NOC2L: variants seen among roughly 807,000 people sequenced by gnomAD.
The protein encoded by NOC2L is nucleolar complex protein 2 homolog.
Under a neutral mutation model 94.2 loss-of-function variants are expected in NOC2L, and 101 were observed. That is an observed-to-expected ratio of 1.07 (90% CI 0.91 to 1.26). The LOEUF (loss-of-function observed/expected upper bound fraction) is 1.26, where lower values mean the gene tolerates loss of function less well. Ranked by LOEUF, NOC2L falls within the 50% of genes most tolerant of loss-of-function variation. The pLI, the probability that NOC2L is intolerant of heterozygous loss-of-function variation, is 0.00. For synonymous variants in NOC2L, 531 were observed against 413.4 expected, an observed-to-expected ratio of 1.28 and a Z score of -3.45; for missense variants, 1,076 against 980.1, an observed-to-expected ratio of 1.10 and a Z score of -1.31.
rs151188781 is a variant in NOC2L at position 952,095 on chromosome 1, G to A, written c.1236C>T (p.Leu412=). ...SVYNWQYVHC[L]FLWCRVLSTA... ...TGCTCAGGACCCGGCACCACAGGAAGAGGCAGTGCACATACTGCCAGTTGT... is the reference window on the plus strand; with the variant it reads ...TGCTCAGGACCCGGCACCACAGGAAAAGGCAGTGCACATACTGCCAGTTGT... Residue 412 remains leucine, a synonymous_variant, in exon 11 of 19, where the codon CTC becomes CTT. Coordinates refer to ENST00000327044, the MANE Select transcript of NOC2L (RefSeq NM_015658.4). The A allele has an allele frequency of 5.0e-6, 8 of 1,613,586 alleles. No individual in the cohort carries two copies. Among genetic ancestry groups the A allele is most frequent in the Non-Finnish European group, 6.8e-6 (8 of 1,180,000 alleles).
Position 945,083 on chromosome 1 carries a change from C to CCCT in NOC2L, c.2114_2116dup (p.Glu705dup). The CCCT allele has an allele frequency of 1.9e-6, 3 of 1,614,028 alleles. No homozygotes were observed. Among genetic ancestry groups the CCCT allele is most frequent in the Non-Finnish European group, 2.5e-6 (3 of 1,179,932 alleles). ...CTCCGAGTTGCTGCTGTCCTCCTCG[C>CCCT]CCTCCTCCTCGTCCTCTTCATCGTC... is the stretch of plus-strand genomic sequence containing the variant. On this transcript the variant is annotated inframe_insertion, in exon 18 of 19. Coordinates refer to ENST00000327044, the MANE Select transcript of NOC2L (RefSeq NM_015658.4).
rs774830091 is a variant in NOC2L at position 945,539 on chromosome 1, TGTC to T, written c.2029_2031del (p.Asp677del). On this transcript the variant is annotated inframe_deletion, in exon 17 of 19. Coordinates refer to ENST00000327044, the MANE Select transcript of NOC2L (RefSeq NM_015658.4). ...CCACCTCTCTCCGAGAATCCCTCGGTGTCGTCCTCTTCAGAGCTGTTCAGGTCA... is the reference window on the plus strand; with the variant it reads ...CCACCTCTCTCCGAGAATCCCTCGGTGTCCTCTTCAGAGCTGTTCAGGTCA... 23 of 1,613,774 alleles carry T rather than the reference TGTC, an allele frequency of 1.4e-5. No individual in the cohort carries two copies. Among genetic ancestry groups the T allele is most frequent in the African/African-American group, 4.0e-5 (3 of 74,912 alleles).
intron 11 of NOC2L, 136 bp downstream of exon 11, chr1:951,864 C>A: frequency 1.0e-6 from 1 of 995,780 alleles, no homozygotes; most frequent in Non-Finnish European, 1.5e-6. Flanking sequence ...TACAGGGACC[C>A]CAGCCCTTCC....
chr1:956,943 G>T lies in NOC2L; in HGVS notation c.437C>A (p.Ser146Tyr), dbSNP rs1199336114. 6.2e-7 allele frequency: 1 copy of T among 1,613,988 alleles called. No homozygotes were observed. The highest frequency in any genetic ancestry group is 8.5e-7 in the Non-Finnish European group (1 of 1,180,040). The stretch of plus-strand genomic sequence containing the variant: ...AACCATGGCGACGGTCACAGGAACA[G>T]AATTCTTCTTCCCCTTCAGCCCTCT... ...VPRGLKGKKN[S>Y]VPVTVAMVER... The change falls in exon 4 of 19, where the codon TCT becomes TAT. Residue 146 changes from serine to tyrosine, a missense_variant. By Grantham distance (144) the Ser-to-Tyr change is moderately radical. This residue lies in a region of NOC2L where 457 missense variants were observed against 386.0 expected (regional missense o/e 1.18). Transcript: ENST00000327044.
chr1:952,548 A>C lies in NOC2L; in HGVS notation c.1055T>G (p.Leu352Arg). ...CCACTGCATGAAACTGATGAAGGGG[A>C]GGGCACCAGGCGAGGTGAACTTGCA... ...RNCKFTSPGALPFISFMQWTL... is the reference protein window; with the variant it reads ...RNCKFTSPGARPFISFMQWTL... The change falls in exon 10 of 19, where the codon CTC becomes CGC. Residue 352 changes from leucine to arginine, a missense_variant. By Grantham distance (102) the Leu-to-Arg change is moderately radical (BLOSUM62 -2). This residue lies in a region of NOC2L where 615 missense variants were observed against 577.4 expected (regional missense o/e 1.07). Coordinates refer to ENST00000327044, the MANE Select transcript of NOC2L (RefSeq NM_015658.4). 1 of 1,613,878 alleles carries C rather than the reference A, an allele frequency of 6.2e-7. No individual in the cohort carries two copies. The highest frequency in any genetic ancestry group is 8.5e-7 in the Non-Finnish European group (1 of 1,180,014).
Position 952,053 on chromosome 1 carries a change from T to C in NOC2L, c.1278A>G (p.Glu426=). The change falls in exon 11 of 19, where the codon GAA becomes GAG. Residue 426 remains glutamate, a synonymous_variant. Coordinates refer to ENST00000327044, the MANE Select transcript of NOC2L (RefSeq NM_015658.4). ...CRVLSTAGPS[E]ALQPLVYPLA... is the part of the protein sequence containing the mutation. ...GGGGGTAGACCAAGGGCTGGAGGGC[T>C]TCGCTGGGGCCCGCAGTGCTCAGGA... 1 of 1,613,580 alleles carries C rather than the reference T, an allele frequency of 6.2e-7. No homozygotes were observed.
rs1278408608 is a variant in NOC2L at position 944,379 on chromosome 1, T to C, written c.*315A>G. On this transcript the variant is annotated 3_prime_UTR_variant, in exon 19 of 19. Transcript: ENST00000327044. Reference sequence around the variant, plus strand: ...GTCTGCAGACGGAGGGCAGAGGTGGTGGAAGGGGCCAGGGGCCTGCAGGCC... The same window carrying C: ...GTCTGCAGACGGAGGGCAGAGGTGGCGGAAGGGGCCAGGGGCCTGCAGGCC... 2 of 1,335,778 alleles carry C rather than the reference T, an allele frequency of 1.5e-6. No homozygotes were observed. Among genetic ancestry groups the C allele is most frequent in the Non-Finnish European group, 1.9e-6 (2 of 1,042,522 alleles). 82.7% of individuals were successfully genotyped at this position (1,335,778 alleles called of 1,614,324 possible). A position where few individuals can be genotyped will look rare whatever the true frequency, so the allele number is the denominator to read the frequency against.
chr1:949,461 C>A (rs1466865639), intron 12 of NOC2L, among the ~76,000 whole-genome samples: 1 of 152,194 alleles, frequency 6.6e-6, no homozygotes, highest in African/African-American at 2.4e-5. Flanking sequence ...GACTGGCTTC[C>A]TGTCCAGGCA....
At position 951,213 on chromosome 1, in the gene NOC2L, G is replaced by A; in HGVS notation, c.1357C>T (p.Pro453Ser). The A allele has an allele frequency of 1.3e-6, 2 of 1,590,910 alleles. No individual in the cohort carries two copies. The highest frequency in any genetic ancestry group is 1.7e-6 in the Non-Finnish European group (2 of 1,168,874). The change falls in exon 12 of 19, where the codon CCG (proline) becomes TCG (serine). Residue 453 changes from proline (P) to serine (S), a missense_variant. Physicochemically the swap from Pro to Ser is moderately conservative, Grantham distance 74. Transcript: ENST00000327044. Reference protein sequence around the residue: ...IKLIPTARFYPLRMHCIRALT... With the variant: ...IKLIPTARFYSLRMHCIRALT... The stretch of plus-strand genomic sequence containing the variant: ...GCACGGATGCAGTGCATTCGCAGCG[G>A]GTAGAAGCGGGCAGTGGGGATGAGC...
chr1:948,061 G>A (rs1323049605), intron 14 of NOC2L, 70 bp downstream of exon 14: 15 of 1,287,408 alleles, frequency 1.2e-5, no homozygotes, highest in African/African-American at 1.5e-5. Context: ...CCTCCTACCA[G>A]CCTGGGGCAG....
Position 946,245 on chromosome 1 carries a change from CA to C in NOC2L, c.1844del (p.Leu615ArgfsTer29), listed in dbSNP as rs1557615430. ...TGCGCCAGTGGCTGTAGTACAAGGT[CA>C]GGGGTGTCCCCTCTTCCCGGGTCAG... ...EKLTREEGTP[L>X]TLYYSHWRKL... On this transcript the variant is annotated frameshift_variant, in exon 16 of 19. Transcript: ENST00000327044. LOFTEE classifies it high-confidence loss of function. 6.2e-7 allele frequency: 1 copy of C among 1,613,862 alleles called. No homozygotes were observed. Among genetic ancestry groups the C allele is most frequent in the African/African-American group, 1.3e-5 (1 of 75,064 alleles).
chr1:947,414 C>A (rs1248737243), intron 14 of NOC2L, among the ~76,000 whole-genome samples: 1 of 152,218 alleles, frequency 6.6e-6, no homozygotes, highest in African/African-American at 2.4e-5. Flanking sequence ...CTGGATAAGC[C>A]TCTGACCAAT....
chr1:945,772 C>G, intron 16 of NOC2L, 119 bp from the exon 17 acceptor site: 1 of 1,260,644 alleles, frequency 7.9e-7, no homozygotes, highest in East Asian at 2.3e-5. Flanking sequence ...CTAGTCCCCT[C>G]TGTTCCCAAA....
chr1:956,343 C>T (rs1642401181), intron 4 of NOC2L, 128 bp from the exon 5 acceptor site: 1 of 1,021,100 alleles, frequency 9.8e-7, no homozygotes, highest in Admixed American at 2.3e-5. Flanking sequence ...TGGGGGGAGG[C>T]ACAGAGCCCC....
Position 952,556 on chromosome 1 carries a change from A to T in NOC2L, c.1047T>A (p.Pro349=). ...TGAAACTGATGAAGGGGAGGGCACC[A>T]GGCGAGGTGAACTTGCAGTTCCTCA... The part of the protein sequence containing the change: ...TYVRNCKFTS[P]GALPFISFMQ... Residue 349 remains proline (P), a synonymous_variant, in exon 10 of 19, where the codon CCT becomes CCA. Transcript: ENST00000327044. 1 of 1,613,906 alleles carries T rather than the reference A, an allele frequency of 6.2e-7. No homozygotes were observed. The highest frequency in any genetic ancestry group is 8.5e-7 in the Non-Finnish European group (1 of 1,180,020).
chr1:948,899 C>A (rs910078475), intron 12 of NOC2L, among the ~76,000 whole-genome samples: 4 of 152,150 alleles, frequency 2.6e-5, no homozygotes, highest in Non-Finnish European at 5.9e-5. Flanking sequence ...GCACTAAGGA[C>A]CCACGTCTGG....
In NOC2L at chr1:952,031, G is replaced by C. The variant is rs1278223609; in HGVS notation, c.1300C>G (p.Pro434Ala). Reference protein sequence around the residue: ...PSEALQPLVYPLAQVIIGCIK... With the variant: ...PSEALQPLVYALAQVIIGCIK... ...CAGCCAATGATGACTTGGGCAAGGG[G>C]GTAGACCAAGGGCTGGAGGGCTTCG... The change falls in exon 11 of 19, where the codon CCC (proline) becomes GCC (alanine). Residue 434 changes from proline (P) to alanine (A), a missense_variant. Pro to Ala is a conservative substitution (Grantham distance 27, BLOSUM62 -1). Around this residue, in one of 3 missense-constraint regions of NOC2L, gnomAD observed 615 missense variants for 577.4 expected, o/e 1.07. Transcript: ENST00000327044. The C allele has an allele frequency of 1.2e-6, 2 of 1,613,430 alleles. No homozygotes were observed. Among genetic ancestry groups the C allele is most frequent in the Non-Finnish European group, 1.7e-6 (2 of 1,179,784 alleles).
intron 2 of NOC2L, 132 bp downstream of exon 2, chr1:958,797 A>T: frequency 1.1e-6 from 1 of 886,310 alleles, no homozygotes; most frequent in Non-Finnish European, 1.9e-6. Flanking sequence ...AGAGTAAGTT[A>T]AGCTGAAAGG....
At chr1:945,458 G>A (rs1284266316) in intron 17 of NOC2L, 60 bp downstream of exon 17, 2 of 1,594,780 alleles carry the variant, frequency 1.3e-6, no homozygotes, top group Non-Finnish European at 8.6e-7. Context: ...CGTGGCTCTG[G>A]GAAGTCCAGC....
Sources: gnomAD v4.1 joint callset for allele counts (sites outside exome capture counted in the v4.1 genomes callset) on GRCh38, gnomAD v4.1.1 for gene constraint, gnomAD v4.1.1 regional missense constraint, MANE v1.5 for transcripts, NCBI Gene and HGNC (gene_info 2026-07-23, HGNC 2026-07-21) for gene names.